AKAP12: variants seen among roughly 807,000 people sequenced by gnomAD.
AKAP12 encodes the protein A-kinase anchor protein 12.
Under a neutral mutation model 79.9 loss-of-function variants are expected in AKAP12, and 32 were observed. That is an observed-to-expected ratio of 0.40 (90% CI 0.30 to 0.54). AKAP12 has a LOEUF of 0.54. AKAP12 is among the 20% of genes least tolerant of loss of function. The probability of loss-of-function intolerance (pLI) is 0.48; values close to 1 mark genes in which losing one functional copy is unlikely to be tolerated. For missense variants in AKAP12, 2,074 were observed against 2,177.0 expected (o/e 0.95, Z 0.94); for synonymous variants, 808 against 857.0 (o/e 0.94, Z 1.00).
intron 3 of AKAP12, among the ~76,000 whole-genome samples, chr6:151,317,069 G>A (rs576064223): frequency 1.3e-5 from 2 of 152,176 alleles, no homozygotes; most frequent in Admixed American, 1.3e-4. Context: ...TGAATTTTGT[G>A]GGGGACACAG....
intron 2 of AKAP12, among the ~76,000 whole-genome samples, chr6:151,278,761 G>A (rs940691905): frequency 3.3e-5 from 5 of 151,718 alleles, no homozygotes; most frequent in South Asian, 2.1e-4. Flanking sequence ...TCTGCCTCCC[G>A]GGTTCACGCC....
Position 151,351,803 on chromosome 6 carries a change from A to G in AKAP12, c.3412A>G (p.Thr1138Ala), listed in dbSNP as rs766417210. Residue 1138 changes from threonine to alanine, a missense_variant, in exon 4 of 5, where the codon ACT (threonine) becomes GCT (alanine). Thr to Ala is a moderately conservative substitution (Grantham distance 58). Around this residue, in one of 3 missense-constraint regions of AKAP12, gnomAD observed 1,428 missense variants for 1,451.0 expected, o/e 0.98. Transcript: ENST00000402676. The surrounding 1 kb of genome is among the most constrained non-coding windows in gnomAD (Gnocchi z 4.4). ...ESIESSELVT[T>A]CQAETLAGVK... Reference sequence around the variant, plus strand: ...CATAGAGTCCAGTGAGCTTGTAACCACTTGTCAAGCCGAAACCTTAGCTGG... The same window carrying G: ...CATAGAGTCCAGTGAGCTTGTAACCGCTTGTCAAGCCGAAACCTTAGCTGG... The G allele has an allele frequency of 1.2e-6, 2 of 1,613,880 alleles. No individual in the cohort carries two copies. Among genetic ancestry groups the G allele is most frequent in the African/African-American group, 1.3e-5 (1 of 74,870 alleles).
intron 2 of AKAP12, among the ~76,000 whole-genome samples, chr6:151,301,597 C>T (rs112005418): frequency 2.6e-5 from 4 of 152,070 alleles, no homozygotes; most frequent in Non-Finnish European, 4.4e-5. Flanking sequence ...TTTAACAACA[C>T]GTGGGATTTG....
intron 3 of AKAP12, among the ~76,000 whole-genome samples, chr6:151,306,905 C>T (rs551885150): frequency 6.6e-6 from 1 of 152,190 alleles, no homozygotes; most frequent in Non-Finnish European, 1.5e-5. Flanking sequence ...GGAATGGACC[C>T]AACTCAAATT....
intron 2 of AKAP12, chr6:151,280,653 T>G (rs1416966006): frequency 6.7e-6 from 1 of 149,528 alleles, no homozygotes; most frequent in Non-Finnish European, 1.5e-5. Flanking sequence ...TTTCTTTTTT[T>G]TTTTTTTTTT....
At chr6:151,251,955 CT>C (rs1331405742) in intron 2 of AKAP12, among the ~76,000 whole-genome samples, 1 of 152,170 alleles carries the variant, frequency 6.6e-6, no homozygotes, top group Non-Finnish European at 1.5e-5. Context: ...TGAGATCGCT[CT>C]GCTGCACTTC....
intron 2 of AKAP12, among the ~76,000 whole-genome samples, chr6:151,290,142 T>G (rs189619057): frequency 2.0e-4 from 30 of 152,312 alleles, no homozygotes; most frequent in African/African-American, 7.0e-4. Context: ...TGGGAAACAT[T>G]ATTCTGGCAC....
chr6:151,242,824 C>T (rs1474783797), intron 2 of AKAP12, among the ~76,000 whole-genome samples: 2 of 152,164 alleles, frequency 1.3e-5, no homozygotes, highest in East Asian at 3.8e-4. Flanking sequence ...TTCCTTCATG[C>T]GTGCCATGTT....
rs144390850 is a variant in AKAP12, at chr6:151,260,127, C to T, written c.162+19403C>T. Among the ~76,000 whole-genome samples, 508 of 152,190 alleles carry T rather than the reference C, an allele frequency of 3.3e-3. 4 individuals are homozygous for T. Among genetic ancestry groups the T allele is most frequent in the Non-Finnish European group, 4.8e-3 (327 of 68,000 alleles). On this transcript the variant is annotated intron_variant, in intron 2 of 4. Coordinates refer to ENST00000402676, the MANE Select transcript of AKAP12 (RefSeq NM_005100.4). ...ACAGTCTCTTTTCTTACTGTCAGTTCGCTAACGTTTATTGGGTTTGAGTGC... is the reference window on the plus strand; with the variant it reads ...ACAGTCTCTTTTCTTACTGTCAGTTTGCTAACGTTTATTGGGTTTGAGTGC...
At chr6:151,252,804 T>A (rs1331240338) in intron 2 of AKAP12, among the ~76,000 whole-genome samples, 1 of 149,108 alleles carries the variant, frequency 6.7e-6, no homozygotes, top group Non-Finnish European at 1.5e-5. Context: ...AGTTGGCAGA[T>A]CGTGATGGCA....
intron 2 of AKAP12, among the ~76,000 whole-genome samples, chr6:151,264,019 ACTGT>A (rs768043577): frequency 1.3e-5 from 2 of 151,998 alleles, no homozygotes; most frequent in Non-Finnish European, 2.9e-5. Flanking sequence ...TCAAATCTAC[ACTGT>A]CTGTTCTCAT....
chr6:151,333,703 C>T (rs1777739764), intron 3 of AKAP12, among the ~76,000 whole-genome samples: 1 of 148,868 alleles, frequency 6.7e-6, no homozygotes, highest in Non-Finnish European at 1.5e-5. Context: ...CGCACCACTG[C>T]ACTCTAGCCT....
intron 3 of AKAP12, chr6:151,325,761 G>A (rs1777508296): frequency 6.3e-7 from 1 of 1,599,196 alleles, no homozygotes; most frequent in Non-Finnish European, 8.5e-7. Flanking sequence ...CTCTGATCCC[G>A]CCGAAACCAC....
At chr6:151,336,776 G>A (rs1297385854) in intron 3 of AKAP12, among the ~76,000 whole-genome samples, 1 of 152,156 alleles carries the variant, frequency 6.6e-6, no homozygotes, top group Non-Finnish European at 1.5e-5. Flanking sequence ...CATTCTGACT[G>A]GTGCAAGATT....
At chr6:151,260,800 C>A (rs1797412224) in intron 2 of AKAP12, among the ~76,000 whole-genome samples, 1 of 152,048 alleles carries the variant, frequency 6.6e-6, no homozygotes, top group Non-Finnish European at 1.5e-5. Context: ...TCGAGACCAA[C>A]CTAGCCAATA....
intron 3 of AKAP12, among the ~76,000 whole-genome samples, chr6:151,321,020 T>C (rs906585977): frequency 1.3e-5 from 2 of 151,880 alleles, no homozygotes; most frequent in African/African-American, 4.8e-5. Flanking sequence ...GGAGTCTTGC[T>C]CTGTTGCCCA....
chr6:151,353,829 G>A lies in AKAP12; in HGVS notation c.*12+77G>A, dbSNP rs2114834068. ...GCAAATTTGTTACATAAGGAATCGGGAGCAAATAATTAATGCCTTCGTGTA... is the reference window on the plus strand; with the variant it reads ...GCAAATTTGTTACATAAGGAATCGGAAGCAAATAATTAATGCCTTCGTGTA... On this transcript the variant is annotated intron_variant, in intron 4 of 4. Transcript: ENST00000402676. 4 of 1,020,088 alleles carry A rather than the reference G, an allele frequency of 3.9e-6. No individual in the cohort carries two copies. In the Admixed American group the frequency reaches 1.2e-4, roughly 30 times the overall value. 63.2% of individuals were successfully genotyped at this position (1,020,088 alleles called of 1,614,324 possible).
intron 3 of AKAP12, among the ~76,000 whole-genome samples, chr6:151,327,444 A>G (rs1777557909): frequency 6.6e-6 from 1 of 152,204 alleles, no homozygotes; most frequent in Non-Finnish European, 1.5e-5. Flanking sequence ...CCAGATCATT[A>G]ACTTTTCTAT....
At chr6:151,252,802 G>A (rs1323454024) in intron 2 of AKAP12, among the ~76,000 whole-genome samples, 1 of 151,460 alleles carries the variant, frequency 6.6e-6, no homozygotes, top group African/African-American at 2.4e-5. Context: ...GCAGTTGGCA[G>A]ATCGTGATGG....
Sources: allele counts gnomAD v4.1 joint callset (sites outside exome capture counted in the v4.1 genomes callset), GRCh38; gene constraint gnomAD v4.1.1; regional missense constraint gnomAD v4.1.1; non-coding constraint Gnocchi (gnomAD v3.1); transcripts MANE v1.5; gene names NCBI Gene and HGNC (gene_info 2026-07-23, HGNC 2026-07-21).